LGR6: variants seen among roughly 807,000 people sequenced by gnomAD.
The protein encoded by LGR6 is leucine rich repeat containing G protein-coupled receptor 6.
In LGR6, 45 loss-of-function variants were observed where a neutral mutation model predicts 69.4. That is an observed-to-expected ratio of 0.65 (90% CI 0.51 to 0.83). LGR6 has a LOEUF of 0.83. Ranked by LOEUF, LGR6 falls within the 40% of genes least tolerant of loss-of-function variation. The pLI, the probability that LGR6 is intolerant of heterozygous loss-of-function variation, is 0.00. For missense variants in LGR6, 1,108 were observed against 1,246.7 expected (o/e 0.89, Z 1.68); for synonymous variants, 538 against 555.0 (o/e 0.97, Z 0.43).
At chr1:202,210,716 A>C (rs1659431701) in intron 1 of LGR6, 1 of 152,134 alleles carries the variant, frequency 6.6e-6, no homozygotes, top group African/African-American at 2.4e-5. Context: ...TTTCCTATTC[A>C]TTCTCTTGAT....
intron 1 of LGR6, among the ~76,000 whole-genome samples, chr1:202,209,292 C>T (rs1171941575): frequency 2.0e-5 from 3 of 152,174 alleles, no homozygotes; most frequent in African/African-American, 7.2e-5. Flanking sequence ...AGACGCCACA[C>T]CTGCCATCCC....
At chr1:202,297,608 C>T in intron 7 of LGR6, 32 bp downstream of exon 7, 1 of 1,594,710 alleles carries the variant, frequency 6.3e-7, no homozygotes, top group African/African-American at 1.3e-5. Flanking sequence ...TGTGGGTGTC[C>T]TTCTGTCCCA....
chr1:202,195,458 C>T (rs1468845799), intron 1 of LGR6, among the ~76,000 whole-genome samples: 3 of 152,222 alleles, frequency 2.0e-5, no homozygotes, highest in Non-Finnish European at 2.9e-5. Context: ...AAGGCACAGG[C>T]TGTGGGCCAG....
At chr1:202,246,600 A>C (rs1662726292) in intron 4 of LGR6, among the ~76,000 whole-genome samples, 1 of 151,790 alleles carries the variant, frequency 6.6e-6, no homozygotes. Context: ...TATTAGATAC[A>C]CCAAGACCCC....
intron 16 of LGR6, among the ~76,000 whole-genome samples, chr1:202,311,258 C>T (rs2148300957): frequency 6.6e-6 from 1 of 152,308 alleles, no homozygotes; most frequent in South Asian, 2.1e-4. Flanking sequence ...CATCTCATTA[C>T]AGCGTAGACA....
intron 1 of LGR6, chr1:202,214,012 G>A (rs989704735): frequency 3.0e-6 from 4 of 1,324,156 alleles, no homozygotes; most frequent in Admixed American, 4.2e-5. Context: ...CAAATAGTTC[G>A]GGAGTTAGGG....
chr1:202,304,695 C>T (rs570786419), intron 11 of LGR6, 65 bp downstream of exon 11: 24 of 1,290,896 alleles, frequency 1.9e-5, no homozygotes, highest in Non-Finnish European at 2.5e-5. Context: ...CCACAAAAGG[C>T]CTCTCCTGCT....
intron 14 of LGR6, among the ~76,000 whole-genome samples, chr1:202,308,568 G>A (rs1389707847): frequency 2.6e-5 from 4 of 152,194 alleles, no homozygotes; most frequent in Admixed American, 2.0e-4. Context: ...CCCAATCCCT[G>A]CTTGTAGCCA....
chr1:202,261,084 A>G lies in LGR6; in HGVS notation c.429-15222A>G, dbSNP rs1326240555. Among the ~76,000 whole-genome samples the G allele has an allele frequency of 2.0e-5, 3 of 151,732 alleles. No homozygotes were observed. The East Asian group carries it at 5.8e-4, about 29-fold the overall frequency. ...TCAGCTCTAATGTTTTCTTTTTATT[A>G]TTATTATTATTATTATACTTTAAGT... On this transcript the variant is annotated intron_variant, in intron 4 of 17. Transcript: ENST00000367278.
intron 1 of LGR6, among the ~76,000 whole-genome samples, chr1:202,200,060 C>T (rs1171691535): frequency 1.3e-5 from 2 of 152,216 alleles, no homozygotes; most frequent in Non-Finnish European, 2.9e-5. Context: ...TTCCTTCCCT[C>T]CCACCCTCCT....
chr1:202,297,703 C>G (rs1259571699), intron 7 of LGR6, 127 bp downstream of exon 7: 1 of 691,086 alleles, frequency 1.4e-6, no homozygotes, highest in South Asian at 2.0e-5. Flanking sequence ...GTAGCTGTCC[C>G]CCACCCTCCC....
chr1:202,226,182 A>C lies in LGR6; in HGVS notation c.284+688A>C, dbSNP rs114948736. On this transcript the variant is annotated intron_variant, in intron 2 of 17. Coordinates refer to ENST00000367278, the MANE Select transcript of LGR6 (RefSeq NM_001017403.2). ...TCAAAAGTAAATCATCTCCTGGATT[A>C]GAGTGACTGGACTGCCTGCTCTGGG... is the stretch of plus-strand genomic sequence containing the variant. Among the ~76,000 whole-genome samples, 860 of 152,330 alleles carry C rather than the reference A, an allele frequency of 5.6e-3. 9 individuals are homozygous for C. Among genetic ancestry groups the C allele is most frequent in the African/African-American group, 0.019 (809 of 41,570 alleles).
chr1:202,279,759 T>C (rs567479077), intron 5 of LGR6, among the ~76,000 whole-genome samples: 1 of 152,372 alleles, frequency 6.6e-6, no homozygotes, highest in South Asian at 2.1e-4. Context: ...CATTCAACCA[T>C]AGTCACCATG....
intron 15 of LGR6, 110 bp downstream of exon 15, chr1:202,309,286 T>G (rs1434830523): frequency 1.9e-5 from 26 of 1,350,044 alleles, no homozygotes; most frequent in Non-Finnish European, 2.6e-5. Flanking sequence ...GCTTAGGGTT[T>G]GACCAAGATT....
chr1:202,215,874 G>GTTTT (rs1659744383), intron 1 of LGR6, among the ~76,000 whole-genome samples: 1 of 152,230 alleles, frequency 6.6e-6, no homozygotes, highest in African/African-American at 2.4e-5. Flanking sequence ...ATCGAGCACA[G>GTTTT]GATCGTGTGG....
At chr1:202,222,419 T>C (rs1201837412) in intron 1 of LGR6, among the ~76,000 whole-genome samples, 1 of 150,454 alleles carries the variant, frequency 6.6e-6, no homozygotes, top group South Asian at 2.1e-4. Context: ...AGGGAGTGGG[T>C]GGGGTGGGGG....
chr1:202,281,929 C>T (rs554683216), intron 6 of LGR6, among the ~76,000 whole-genome samples: 1 of 152,264 alleles, frequency 6.6e-6, no homozygotes, highest in African/African-American at 2.4e-5. Flanking sequence ...TTTGGGAAAA[C>T]TTATCCCAGG....
chr1:202,301,968 G>A (rs1358235397), intron 9 of LGR6, among the ~76,000 whole-genome samples: 3 of 152,080 alleles, frequency 2.0e-5, no homozygotes, highest in Admixed American at 6.5e-5. Flanking sequence ...ACAGTGAGCC[G>A]AGATCGCGCC....
At position 202,301,151 on chromosome 1, in the gene LGR6, C is replaced by T. The variant is rs779331350; in HGVS notation, c.858-13C>T. 6.2e-7 allele frequency: 1 copy of T among 1,613,692 alleles called. No homozygotes were observed. Among genetic ancestry groups the T allele is most frequent in the Non-Finnish European group, 8.5e-7 (1 of 1,179,592 alleles). On this transcript the variant is annotated splice_polypyrimidine_tract_variant and intron_variant, in intron 8 of 17. Transcript: ENST00000367278. ...GAAAAACCCAATTAGGTGTTTGGAC[C>T]TTCTTCTTCCAGACACTTTTATGAT...
Sources: allele counts gnomAD v4.1 joint callset (sites outside exome capture counted in the v4.1 genomes callset), GRCh38; gene constraint gnomAD v4.1.1; transcripts MANE v1.5; gene names NCBI Gene and HGNC (gene_info 2026-07-23, HGNC 2026-07-21).